Variants in GTF2F2 observed in about 807,000 individuals in gnomAD.
GTF2F2 encodes the protein general transcription factor IIF subunit 2, also known as ATP-dependent helicase GTF2F2.
Under a neutral mutation model 42.2 loss-of-function variants are expected in GTF2F2, and 23 were observed. That is an observed-to-expected ratio of 0.55 (90% CI 0.39 to 0.77). The LOEUF is 0.77. Among genes scored for constraint, GTF2F2 ranks in the 30% least tolerant of loss-of-function variants. The pLI is 0.00. For synonymous variants in GTF2F2, 105 were observed against 100.8 expected (o/e 1.04, Z -0.25); for missense variants, 261 against 287.2 (o/e 0.91, Z 0.66).
intron 5 of GTF2F2, among the ~76,000 whole-genome samples, chr13:45,241,477 A>T (rs1875305217): frequency 1.3e-5 from 2 of 152,192 alleles, no homozygotes; most frequent in African/African-American, 4.8e-5. Flanking sequence ...CCAGTATGAT[A>T]GCCACTAGCT....
intron 4 of GTF2F2, among the ~76,000 whole-genome samples, chr13:45,182,260 C>T (rs1239697794): frequency 6.6e-6 from 1 of 152,066 alleles, no homozygotes; most frequent in African/African-American, 2.4e-5. Context: ...AAGCAATTCT[C>T]CTGCCCCAGC....
chr13:45,134,294 C>T (rs1291066987), intron 1 of GTF2F2, among the ~76,000 whole-genome samples: 18 of 152,166 alleles, frequency 1.2e-4, no homozygotes, highest in Non-Finnish European at 1.5e-5. Flanking sequence ...AGGGCACACA[C>T]CCTTGTCAGC....
intron 5 of GTF2F2, among the ~76,000 whole-genome samples, chr13:45,225,372 A>G (rs1874292678): frequency 6.7e-6 from 1 of 150,110 alleles, no homozygotes; most frequent in African/African-American, 2.5e-5. Flanking sequence ...TTGAGATAAA[A>G]TGACTAAATA....
At chr13:45,247,870 A>C (rs902750873) in intron 5 of GTF2F2, among the ~76,000 whole-genome samples, 2 of 151,920 alleles carry the variant, frequency 1.3e-5, no homozygotes, top group Non-Finnish European at 2.9e-5. Context: ...TTTGAGATGG[A>C]ATCTCGCTCT....
intron 4 of GTF2F2, among the ~76,000 whole-genome samples, chr13:45,180,044 C>CT (rs1385420584): frequency 1.3e-5 from 2 of 152,206 alleles, no homozygotes; most frequent in Non-Finnish European, 2.9e-5. Flanking sequence ...TTTTGACAAT[C>CT]TATCAATTCT....
intron 5 of GTF2F2, among the ~76,000 whole-genome samples, chr13:45,232,070 C>T (rs1033537174): frequency 6.6e-6 from 1 of 152,164 alleles, no homozygotes; most frequent in African/African-American, 2.4e-5. Context: ...TCCATTGGCA[C>T]TTATCACATA....
At chr13:45,260,739 G>A (rs560784264) in intron 6 of GTF2F2, among the ~76,000 whole-genome samples, 1 of 152,178 alleles carries the variant, frequency 6.6e-6, no homozygotes, top group Non-Finnish European at 1.5e-5. Context: ...TCAAGAATAG[G>A]CTGGGCGTGG....
intron 7 of GTF2F2, among the ~76,000 whole-genome samples, chr13:45,276,650 A>G (rs1340020049): frequency 4.6e-5 from 7 of 152,172 alleles, no homozygotes; most frequent in Middle Eastern, 3.2e-3. Context: ...CATGTTGGCC[A>G]GGCTGGTCTC....
intron 5 of GTF2F2, among the ~76,000 whole-genome samples, chr13:45,242,894 T>C (rs932242959): frequency 6.6e-6 from 1 of 151,028 alleles, no homozygotes; most frequent in African/African-American, 2.4e-5. Context: ...GCAGTTTAGA[T>C]TGAGAGTTTG....
intron 5 of GTF2F2, among the ~76,000 whole-genome samples, chr13:45,225,189 TA>T (rs1203252996): frequency 6.6e-6 from 1 of 152,186 alleles, no homozygotes; most frequent in African/African-American, 2.4e-5. Flanking sequence ...ATATATTCTG[TA>T]GTCTGGCAGA....
intron 7 of GTF2F2, among the ~76,000 whole-genome samples, chr13:45,282,906 TA>T (rs1877320777): frequency 6.6e-6 from 1 of 152,208 alleles, no homozygotes; most frequent in South Asian, 2.1e-4. Context: ...TAGGAAAAAA[TA>T]AGTGGGTGGC....
In GTF2F2 at chr13:45,254,329, G is replaced by A. The variant is rs80062205; in HGVS notation, c.486+1359G>A. ...TCCACAATTTCAGGCACCAAGTGGGGCAGGGAGGTGTCTTGCAACATATCT... is the reference window on the plus strand; with the variant it reads ...TCCACAATTTCAGGCACCAAGTGGGACAGGGAGGTGTCTTGCAACATATCT... On this transcript the variant is annotated intron_variant, in intron 6 of 7. Transcript: ENST00000340473. 2.6e-3 allele frequency among the ~76,000 whole-genome samples: 395 copies of A among 152,262 alleles called. 2 individuals carry two copies. The highest frequency in any genetic ancestry group is 9.2e-3 in the African/African-American group (383 of 41,548).
intron 1 of GTF2F2, among the ~76,000 whole-genome samples, chr13:45,132,257 A>G (rs1869397282): frequency 6.6e-6 from 1 of 152,164 alleles, no homozygotes; most frequent in Non-Finnish European, 1.5e-5. Flanking sequence ...CTTTGCTTCA[A>G]AGTCTCTCAC....
chr13:45,228,299 T>TTTTTTTTTTTTG (rs1874474312), intron 5 of GTF2F2, among the ~76,000 whole-genome samples: 1 of 146,834 alleles, frequency 6.8e-6, no homozygotes, highest in Non-Finnish European at 1.5e-5. Flanking sequence ...TTTTTTTTTT[T>TTTTTTTTTTTTG]GGAGACGGAG....
At chr13:45,254,468 A>G (rs185922998) in intron 6 of GTF2F2, among the ~76,000 whole-genome samples, 155 of 152,296 alleles carry the variant, frequency 1.0e-3, no homozygotes, top group Non-Finnish European at 1.5e-3. Context: ...CATACATATT[A>G]TGTATACTTT....
At chr13:45,135,181 T>G (rs1006389115) in intron 1 of GTF2F2, among the ~76,000 whole-genome samples, 1 of 152,130 alleles carries the variant, frequency 6.6e-6, no homozygotes, top group East Asian at 1.9e-4. Flanking sequence ...CTAGAACTCC[T>G]GACCTCAAGT....
chr13:45,213,695 C>A (rs1351430929), intron 5 of GTF2F2, among the ~76,000 whole-genome samples: 1 of 151,402 alleles, frequency 6.6e-6, no homozygotes, highest in Non-Finnish European at 1.5e-5. Flanking sequence ...GTGTAAATAT[C>A]CAAAAGTATT....
chr13:45,262,982 T>C (rs1876408557), intron 6 of GTF2F2, among the ~76,000 whole-genome samples: 2 of 152,118 alleles, frequency 1.3e-5, no homozygotes, highest in Admixed American at 1.3e-4. Flanking sequence ...CCCCTTGGCC[T>C]CCCAGAGCAC....
intron 1 of GTF2F2, chr13:45,124,024 G>A (rs1868833026): frequency 8.9e-7 from 1 of 1,120,770 alleles, no homozygotes; most frequent in African/African-American, 1.5e-5. Flanking sequence ...ACTCCTTAGA[G>A]GCCATGTGGG....
Sources: allele counts gnomAD v4.1 joint callset (sites outside exome capture counted in the v4.1 genomes callset), GRCh38; gene constraint gnomAD v4.1.1; transcripts MANE v1.5; gene names NCBI Gene and HGNC (gene_info 2026-07-23, HGNC 2026-07-21).